SLC6A17: variants seen among roughly 807,000 people sequenced by gnomAD.
SLC6A17 encodes the protein sodium-dependent neutral amino acid transporter SLC6A17.
A neutral mutation model predicts 64.5 loss-of-function variants in SLC6A17; 21 were observed. The ratio of observed to expected loss-of-function variants is 0.33; its 90% CI spans 0.23 to 0.47. SLC6A17 has a LOEUF of 0.47. Ranked by LOEUF, SLC6A17 falls within the 20% of genes least tolerant of loss-of-function variation. SLC6A17 has a pLI of 1.00. For missense variants in SLC6A17, 682 were observed against 963.2 expected (o/e 0.71, Z 3.86); for synonymous variants, 372 against 399.5 (o/e 0.93, Z 0.82).
At chr1:110,183,678 C>T (rs1197838079) in intron 6 of SLC6A17, among the ~76,000 whole-genome samples, 1 of 152,136 alleles carries the variant, frequency 6.6e-6, no homozygotes, top group African/African-American at 2.4e-5. Flanking sequence ...CTGCAGTGCT[C>T]AGCTGGAAGA....
chr1:110,174,715 C>T lies in SLC6A17; in HGVS notation c.572-64C>T, dbSNP rs56731583. 2,194 of 1,571,156 alleles carry T rather than the reference C, an allele frequency of 1.4e-3. 30 individuals carry two copies. The African/African-American group carries it at 0.027, about 19-fold the overall frequency. On this transcript the variant is annotated intron_variant, in intron 4 of 11. Transcript: ENST00000331565. ...CCCACTGCTGCCCTGAGTGGTGGTC[C>T]AGCAGAGGAAGTGACCCCATAGGCC...
Position 110,198,322 on chromosome 1 carries a change from A to G in SLC6A17, c.2062A>G (p.Met688Val). Residue 688 changes from methionine (M) to valine (V), a missense_variant, in exon 12 of 12, where the codon ATG becomes GTG. By Grantham distance (21) the Met-to-Val change is conservative (BLOSUM62 1). Transcript: ENST00000331565. ...SKVPSEAPSP[M>V]PTHRSYLGPG... ...GGTGCCCAGTGAGGCACCTTCCCCCATGCCCACTCACCGTTCCTATCTGGG... is the reference window on the plus strand; with the variant it reads ...GGTGCCCAGTGAGGCACCTTCCCCCGTGCCCACTCACCGTTCCTATCTGGG... 6.2e-7 allele frequency: 1 copy of G among 1,614,004 alleles called. No individual in the cohort carries two copies. The highest frequency in any genetic ancestry group is 8.5e-7 in the Non-Finnish European group (1 of 1,179,964).
At chr1:110,158,001 C>T (rs553828562) in intron 1 of SLC6A17, among the ~76,000 whole-genome samples, 1 of 152,238 alleles carries the variant, frequency 6.6e-6, no homozygotes, top group African/African-American at 2.4e-5. Flanking sequence ...CCCTCATACT[C>T]TATATTGTAT....
At position 110,176,646 on chromosome 1, in the gene SLC6A17, C is replaced by G. The variant is rs1327933736; in HGVS notation, c.771C>G (p.Ser257=). 6.2e-7 allele frequency: 1 copy of G among 1,614,074 alleles called. No individual in the cohort carries two copies. The highest frequency in any genetic ancestry group is 1.1e-5 in the South Asian group (1 of 91,084). The change falls in exon 6 of 12, where the codon TCC becomes TCG. Residue 257 remains serine, a synonymous_variant. Coordinates refer to ENST00000331565, the MANE Select transcript of SLC6A17 (RefSeq NM_001010898.4). ...CTCTGCAGGTGATGTATTTCAGCTC[C>G]CTCTTCCCCTACGTGGTGCTGGCCT... ...QSSGKVMYFS[S]LFPYVVLACF...
At chr1:110,189,486 G>C (rs967494371) in intron 6 of SLC6A17, among the ~76,000 whole-genome samples, 13 of 152,144 alleles carry the variant, frequency 8.5e-5, no homozygotes, top group Admixed American at 4.6e-4. Flanking sequence ...GTCCCCTCCA[G>C]CCTGGACCCC....
intron 6 of SLC6A17, among the ~76,000 whole-genome samples, chr1:110,177,369 G>A (rs1287884605): frequency 2.0e-5 from 3 of 152,268 alleles, no homozygotes; most frequent in East Asian, 1.9e-4. Flanking sequence ...CAGGATCACT[G>A]TTCACATTTC....
chr1:110,152,001 C>CA (rs764693246), intron 1 of SLC6A17, among the ~76,000 whole-genome samples: 14 of 152,034 alleles, frequency 9.2e-5, no homozygotes, highest in Admixed American at 3.9e-4. Context: ...GTAATGGCTC[C>CA]AAAAAAATTC....
chr1:110,191,336 C>T (rs1055335199), intron 6 of SLC6A17, among the ~76,000 whole-genome samples: 7 of 152,162 alleles, frequency 4.6e-5, no homozygotes, highest in African/African-American at 1.7e-4. Flanking sequence ...CCATGCCATC[C>T]CAATGCTGTT....
At chr1:110,170,946 G>T (rs187851014) in intron 2 of SLC6A17, among the ~76,000 whole-genome samples, 22 of 152,318 alleles carry the variant, frequency 1.4e-4, no homozygotes, top group East Asian at 1.3e-3. Context: ...GATGGTGTCT[G>T]TGCCTACTGT....
In SLC6A17 at chr1:110,201,139, A is replaced by T. The variant is rs1657118073; in HGVS notation, c.*2695A>T. On this transcript the variant is annotated 3_prime_UTR_variant, in exon 12 of 12. Coordinates refer to ENST00000331565, the MANE Select transcript of SLC6A17 (RefSeq NM_001010898.4). ...TCTTCTCCAGAGGAAAAGTACTAGG[A>T]TTCTTAAGATGGCGAGACCCCAAGA... The T allele has an allele frequency of 6.6e-6, 1 of 152,106 alleles. No homozygotes were observed. 9.4% of individuals were successfully genotyped at this position (152,106 alleles called of 1,614,324 possible). A position where few individuals can be genotyped will look rare whatever the true frequency, so the allele number is the denominator to read the frequency against.
At position 110,194,656 on chromosome 1, in the gene SLC6A17, C is replaced by T. The variant is rs771461032; in HGVS notation, c.1377C>T (p.Ser459=). Residue 459 remains serine, a synonymous_variant, in exon 9 of 12, where the codon TCC becomes TCT. Coordinates refer to ENST00000331565, the MANE Select transcript of SLC6A17 (RefSeq NM_001010898.4). ...ACTTCCCCGCCTCCCCGTTCTGGTC[C>T]GTCATGTTCTTCTTGATGCTTATCA... ...MTHFPASPFW[S]VMFFLMLINL... is the part of the protein sequence containing the mutation. 27 of 1,614,054 alleles carry T rather than the reference C, an allele frequency of 1.7e-5. No homozygotes were observed. Among genetic ancestry groups the T allele is most frequent in the East Asian group, 4.5e-5 (2 of 44,896 alleles).
chr1:110,198,134 T>C lies in SLC6A17; in HGVS notation c.1874T>C (p.Ile625Thr). The C allele has an allele frequency of 6.2e-7, 1 of 1,614,066 alleles. No homozygotes were observed. The highest frequency in any genetic ancestry group is 8.5e-7 in the Non-Finnish European group (1 of 1,179,988). The change falls in exon 12 of 12, where the codon ATC (isoleucine) becomes ACC (threonine). Residue 625 changes from isoleucine to threonine, a missense_variant. This residue lies in a region of SLC6A17 where 264 missense variants were observed against 339.5 expected (regional missense o/e 0.78). Transcript: ENST00000331565. ...GCCATGGCACTCCTGATCACCCTCA[T>C]CGTCGTGGCGACGCTGCCCATCCCT... ...NWAMALLITL[I>T]VVATLPIPVV...
At chr1:110,185,729 CCT>C (rs1171943427) in intron 6 of SLC6A17, among the ~76,000 whole-genome samples, 2 of 152,202 alleles carry the variant, frequency 1.3e-5, no homozygotes, top group Non-Finnish European at 2.9e-5. Context: ...GGGGGTTCAT[CCT>C]CTGTTGTTGC....
At chr1:110,161,482 T>C (rs1234855465) in intron 1 of SLC6A17, among the ~76,000 whole-genome samples, 1 of 151,848 alleles carries the variant, frequency 6.6e-6, no homozygotes, top group Non-Finnish European at 1.5e-5. Context: ...AGCCACTCTT[T>C]CCAGAGCCAC....
Position 110,198,605 on chromosome 1 carries a change from C to G in SLC6A17, c.*161C>G. ...CTCCCCTCTTCAGTCCCAGTAGACTCTGCTCCCTAGCCCTGAGCAGGAGGC... is the reference window on the plus strand; with the variant it reads ...CTCCCCTCTTCAGTCCCAGTAGACTGTGCTCCCTAGCCCTGAGCAGGAGGC... On this transcript the variant is annotated 3_prime_UTR_variant, in exon 12 of 12. Coordinates refer to ENST00000331565, the MANE Select transcript of SLC6A17 (RefSeq NM_001010898.4). 8.0e-7 allele frequency: 1 copy of G among 1,249,680 alleles called. No homozygotes were observed. 77.4% of individuals were successfully genotyped at this position (1,249,680 alleles called of 1,614,324 possible).
At chr1:110,164,085 A>G (rs994200609) in intron 1 of SLC6A17, among the ~76,000 whole-genome samples, 3 of 152,052 alleles carry the variant, frequency 2.0e-5, no homozygotes, top group African/African-American at 7.2e-5. Flanking sequence ...TGCAAACTCC[A>G]CAAGAGGAGA....
intron 6 of SLC6A17, among the ~76,000 whole-genome samples, chr1:110,184,324 C>G (rs1040948943): frequency 6.6e-6 from 1 of 152,128 alleles, no homozygotes; most frequent in African/African-American, 2.4e-5. Flanking sequence ...CTAGGATGGT[C>G]TCGATCTCCT....
At chr1:110,186,461 G>GGGAA (rs1656687669) in intron 6 of SLC6A17, among the ~76,000 whole-genome samples, 1 of 142,924 alleles carries the variant, frequency 7.0e-6, no homozygotes, top group Non-Finnish European at 1.5e-5. Flanking sequence ...AAAAAAAAAA[G>GGGAA]GAAAGAGAAG....
intron 9 of SLC6A17, among the ~76,000 whole-genome samples, chr1:110,195,317 C>A (rs959013801): frequency 6.6e-6 from 1 of 152,246 alleles, no homozygotes; most frequent in Admixed American, 6.5e-5. Context: ...TTAAGTAGCG[C>A]ACCTGCCACG....
Sources: allele counts gnomAD v4.1 joint callset (sites outside exome capture counted in the v4.1 genomes callset), GRCh38; gene constraint gnomAD v4.1.1; regional missense constraint gnomAD v4.1.1; transcripts MANE v1.5; gene names NCBI Gene and HGNC (gene_info 2026-07-23, HGNC 2026-07-21).